The following ABTB3 variants were observed in gnomAD, a reference collection of about 807,000 sequenced individuals.
The protein encoded by ABTB3 is ankyrin repeat and BTB domain containing 3.
At chr12:107,590,860 G>T in the ABTB3 span, among the ~76,000 whole-genome samples, 2 of 151,986 alleles carry the variant, frequency 1.3e-5, no homozygotes, top group Non-Finnish European at 1.5e-5. Flanking sequence ...ATTTATTTTT[G>T]GCCCACTCTT....
the ABTB3 span, chr12:107,319,796 A>G: frequency 2.8e-6 from 4 of 1,431,804 alleles, no homozygotes; most frequent in Non-Finnish European, 3.7e-6. Context: ...CGCGGCGGAT[A>G]AAGAGCGGGA....
chr12:107,621,993 C>A, the ABTB3 span, among the ~76,000 whole-genome samples: 3 of 152,142 alleles, frequency 2.0e-5, no homozygotes, highest in African/African-American at 7.2e-5. Context: ...GTAATCCCAG[C>A]ACTTTGGGAG....
chr12:107,592,046 A>T, the ABTB3 span, among the ~76,000 whole-genome samples: 2 of 152,250 alleles, frequency 1.3e-5, no homozygotes, highest in African/African-American at 2.4e-5. Context: ...ATCTTGAAAG[A>T]CTCAGCCTCC....
At chr12:107,324,264 C>T in the ABTB3 span, among the ~76,000 whole-genome samples, 21 of 152,108 alleles carry the variant, frequency 1.4e-4, no homozygotes, top group African/African-American at 4.8e-4. Flanking sequence ...TAACTGGATC[C>T]TCCTTTTTAT....
the ABTB3 span, chr12:107,617,779 G>A: frequency 1.1e-5 from 4 of 360,580 alleles, no homozygotes; most frequent in Non-Finnish European, 2.0e-5. Context: ...CATATTTGGT[G>A]ACTTCCCTTC....
chr12:107,455,877 G>A, the ABTB3 span, among the ~76,000 whole-genome samples: 2 of 152,090 alleles, frequency 1.3e-5, no homozygotes, highest in Non-Finnish European at 2.9e-5. Flanking sequence ...GCCATGCTAG[G>A]GCACCCAGAG....
the ABTB3 span, among the ~76,000 whole-genome samples, chr12:107,618,580 C>T: frequency 6.6e-6 from 1 of 152,220 alleles, no homozygotes; most frequent in Non-Finnish European, 1.5e-5. Flanking sequence ...ACTCCGTGCC[C>T]ATAGATAGCA....
At chr12:107,440,400 C>G in the ABTB3 span, among the ~76,000 whole-genome samples, 2 of 152,328 alleles carry the variant, frequency 1.3e-5, no homozygotes, top group East Asian at 3.9e-4. Context: ...ACCTCCAAGC[C>G]CTTCTCAGGG....
the ABTB3 span, among the ~76,000 whole-genome samples, chr12:107,598,655 G>A: frequency 6.6e-6 from 1 of 152,244 alleles, no homozygotes; most frequent in Non-Finnish European, 1.5e-5. Flanking sequence ...TTGGGATAGA[G>A]TAAGGGAGAA....
chr12:107,499,518 GC>G, the ABTB3 span, among the ~76,000 whole-genome samples: 10 of 152,000 alleles, frequency 6.6e-5, no homozygotes, highest in African/African-American at 2.4e-4. Flanking sequence ...TTTTCACACT[GC>G]TATAAAGAAC....
the ABTB3 span, among the ~76,000 whole-genome samples, chr12:107,482,120 T>C: frequency 1.6e-4 from 25 of 152,042 alleles, no homozygotes; most frequent in South Asian, 5.2e-3. Context: ...AAATTGGGGA[T>C]GCTATTACCA....
chr12:107,546,295 G>A, the ABTB3 span, among the ~76,000 whole-genome samples: 1 of 152,132 alleles, frequency 6.6e-6, no homozygotes, highest in South Asian at 2.1e-4. Flanking sequence ...TCCATCTGGA[G>A]AGCTCAAACT....
the ABTB3 span, among the ~76,000 whole-genome samples, chr12:107,600,551 C>T: frequency 6.6e-6 from 1 of 152,170 alleles, no homozygotes; most frequent in African/African-American, 2.4e-5. Context: ...TCCCAGGGGC[C>T]CACACAGCAG....
At chr12:107,464,095 T>G in the ABTB3 span, among the ~76,000 whole-genome samples, 1 of 152,310 alleles carries the variant, frequency 6.6e-6, no homozygotes, top group Middle Eastern at 3.4e-3. Flanking sequence ...TTTTCTTGCC[T>G]TGATTGGGCT....
chr12:107,607,527 G>A, the ABTB3 span, among the ~76,000 whole-genome samples: 1 of 152,108 alleles, frequency 6.6e-6, no homozygotes, highest in Admixed American at 6.5e-5. Flanking sequence ...ATCAACTCTG[G>A]GCCCCTAAGT....
chr12:107,447,792 A>G, the ABTB3 span, among the ~76,000 whole-genome samples: 1 of 152,200 alleles, frequency 6.6e-6, no homozygotes, highest in Non-Finnish European at 1.5e-5. Context: ...CAGAGGTGCC[A>G]AGAACAGCCT....
At chr12:107,455,436 A>ATT in the ABTB3 span, among the ~76,000 whole-genome samples, 69 of 142,364 alleles carry the variant, frequency 4.8e-4, 1 homozygote, top group African/African-American at 1.2e-3. Flanking sequence ...TTGTGATGGG[A>ATT]TTTTTTTTTT....
At chr12:107,338,328 C>T in the ABTB3 span, among the ~76,000 whole-genome samples, 3 of 152,176 alleles carry the variant, frequency 2.0e-5, no homozygotes, top group Admixed American at 6.5e-5. Flanking sequence ...TAATTTACAG[C>T]GTCTTGTTAA....
chr12:107,429,616 T>C, the ABTB3 span, among the ~76,000 whole-genome samples: 1,171 of 152,302 alleles, frequency 7.7e-3, 24 homozygotes, highest in African/African-American at 0.026. Flanking sequence ...TAGCTGCCAG[T>C]GGGTGAATGG....
Sources: allele counts gnomAD v4.1 joint callset (sites outside exome capture counted in the v4.1 genomes callset), GRCh38; gene constraint gnomAD v4.1.1; transcripts MANE v1.5; gene names NCBI Gene and HGNC (gene_info 2026-07-23, HGNC 2026-07-21).